The following SENP1 variants were observed in gnomAD, a reference collection of about 807,000 sequenced individuals.
SENP1 encodes sentrin-specific protease 1.
A neutral mutation model predicts 93.0 loss-of-function variants in SENP1; 21 were observed. That is an observed-to-expected ratio of 0.23 (90% CI 0.16 to 0.33). SENP1 has a LOEUF of 0.33. Among genes scored for constraint, SENP1 ranks in the 10% least tolerant of loss-of-function variants. SENP1 has a pLI of 1.00. For missense variants in SENP1, 591 were observed against 758.7 expected (o/e 0.78, Z 2.60); for synonymous variants, 256 against 259.6 (o/e 0.99, Z 0.13).
Position 48,071,148 on chromosome 12 carries a change from T to C in SENP1, c.995+519A>G, listed in dbSNP as rs146740368. Among the ~76,000 whole-genome samples the C allele has an allele frequency of 7.1e-4, 108 of 151,850 alleles. 1 individual carries two copies. Among genetic ancestry groups the C allele is most frequent in the Admixed American group, 5.1e-3 (77 of 15,232 alleles). On this transcript the variant is annotated intron_variant, in intron 9 of 17. Transcript: ENST00000549518. ...AGGCAGAAAAATTGTTTCAAGAACA[T>C]GGTATGGTGGAAGACGGAATGAAGA...
intron 13 of SENP1, among the ~76,000 whole-genome samples, chr12:48,054,007 A>C (rs1447318884): frequency 6.6e-6 from 1 of 152,194 alleles, no homozygotes; most frequent in Non-Finnish European, 1.5e-5. Flanking sequence ...AAGGAATGAG[A>C]GGGAGAATAG....
intron 1 of SENP1, chr12:48,105,236 G>A: frequency 2.6e-6 from 1 of 382,820 alleles, no homozygotes; most frequent in Non-Finnish European, 5.2e-6. Flanking sequence ...CTTTAACAAG[G>A]CTGACTTGAA....
intron 13 of SENP1, among the ~76,000 whole-genome samples, chr12:48,061,529 T>A (rs1409164734): frequency 1.3e-5 from 2 of 152,214 alleles, no homozygotes. Flanking sequence ...TGCTTCAGCC[T>A]CCTGAACAGC....
intron 5 of SENP1, among the ~76,000 whole-genome samples, chr12:48,086,905 G>A (rs1332729761): frequency 6.6e-6 from 1 of 152,126 alleles, no homozygotes; most frequent in Non-Finnish European, 1.5e-5. Context: ...AGGACATGGT[G>A]GCGGGCACCT....
At chr12:48,075,060 A>C (rs1327942437) in intron 6 of SENP1, among the ~76,000 whole-genome samples, 1 of 152,012 alleles carries the variant, frequency 6.6e-6, no homozygotes, top group African/African-American at 2.4e-5. Context: ...AAACTTAAAA[A>C]AAAAAACCAA....
intron 13 of SENP1, among the ~76,000 whole-genome samples, chr12:48,054,462 C>A (rs890956617): frequency 6.6e-6 from 1 of 151,868 alleles, no homozygotes; most frequent in African/African-American, 2.4e-5. Flanking sequence ...TTTTTCTGTC[C>A]CTTAACTTTT....
intron 1 of SENP1, chr12:48,105,509 C>T: frequency 1.9e-6 from 1 of 519,086 alleles, no homozygotes; most frequent in Non-Finnish European, 3.8e-6. Context: ...AGCGATATCA[C>T]ATCTCAGGGA....
chr12:48,092,264 G>T (rs1489955287), intron 4 of SENP1, among the ~76,000 whole-genome samples: 1 of 152,114 alleles, frequency 6.6e-6, no homozygotes, highest in African/African-American at 2.4e-5. Flanking sequence ...GAGGGTCCGT[G>T]TCTAGCCCAA....
chr12:48,071,874 T>A (rs1370847979), intron 8 of SENP1, among the ~76,000 whole-genome samples, 153 bp from the exon 9 acceptor site: 2 of 152,158 alleles, frequency 1.3e-5, no homozygotes, highest in African/African-American at 4.8e-5. Context: ...GAGAGGCAAG[T>A]CCATTGTCAC....
chr12:48,056,236 T>G, intron 13 of SENP1, among the ~76,000 whole-genome samples: 1 of 117,508 alleles, frequency 8.5e-6, no homozygotes, highest in African/African-American at 3.5e-5. Context: ...TAGTATATAT[T>G]TTACATATAA....
At chr12:48,059,348 A>G (rs1001894654) in intron 13 of SENP1, among the ~76,000 whole-genome samples, 3 of 151,790 alleles carry the variant, frequency 2.0e-5, no homozygotes, top group African/African-American at 4.8e-5. Flanking sequence ...AAGTTTACGA[A>G]TTTTTTCTTA....
chr12:48,097,377 A>G (rs1400483919), intron 3 of SENP1, among the ~76,000 whole-genome samples: 2 of 152,240 alleles, frequency 1.3e-5, no homozygotes, highest in Non-Finnish European at 2.9e-5. Context: ...GATGCTAAAC[A>G]TCCTACTATA....
intron 2 of SENP1, 129 bp from the exon 3 acceptor site, chr12:48,098,253 ACT>A (rs1302805528): frequency 1.9e-5 from 17 of 906,170 alleles, no homozygotes; most frequent in Non-Finnish European, 2.4e-5. Flanking sequence ...TAATCCCAGC[ACT>A]CTGAGAGGCT....
At chr12:48,076,552 G>A (rs1390517110) in intron 6 of SENP1, among the ~76,000 whole-genome samples, 1 of 151,598 alleles carries the variant, frequency 6.6e-6, no homozygotes, top group East Asian at 1.9e-4. Flanking sequence ...GGCTGGTCTC[G>A]AACTCCTAAC....
chr12:48,076,491 A>AT (rs879363366), intron 6 of SENP1, among the ~76,000 whole-genome samples: 137 of 144,344 alleles, frequency 9.5e-4, no homozygotes, highest in East Asian at 1.6e-3. Context: ...CACAGAGCTA[A>AT]TTTTTTTTTT....
At chr12:48,096,249 A>G (rs1945548036) in intron 4 of SENP1, 94 bp downstream of exon 4, 1 of 653,754 alleles carries the variant, frequency 1.5e-6, no homozygotes, top group Non-Finnish European at 2.6e-6. Flanking sequence ...GTTTTTGACA[A>G]TGTTTTTACT....
chr12:48,079,719 A>G (rs1293878373), intron 6 of SENP1, among the ~76,000 whole-genome samples: 1 of 151,734 alleles, frequency 6.6e-6, no homozygotes, highest in African/African-American at 2.4e-5. Flanking sequence ...GCTCCATCAT[A>G]AAAGAACTAT....
intron 6 of SENP1, among the ~76,000 whole-genome samples, chr12:48,079,508 A>G (rs538071641): frequency 1.3e-5 from 2 of 152,318 alleles, no homozygotes; most frequent in Admixed American, 1.3e-4. Flanking sequence ...CAAATAAAAA[A>G]AGAAAATTAG....
In SENP1 at chr12:48,045,265, G is replaced by A. The variant is rs1941272601; in HGVS notation, c.*57C>T. The A allele has an allele frequency of 4.8e-6, 7 of 1,452,806 alleles. No individual in the cohort carries two copies. Among genetic ancestry groups the A allele is most frequent in the Admixed American group, 1.7e-5 (1 of 58,768 alleles). The allele number at this position is 1,452,806 out of a possible 1,614,324, so 90.0% of individuals were successfully genotyped here. On this transcript the variant is annotated 3_prime_UTR_variant, in exon 18 of 18. Coordinates refer to ENST00000549518, the MANE Select transcript of SENP1 (RefSeq NM_001267594.2). ...GCAGCTGTTTCCAAGGTCTCTGGCT[G>A]TAGACAACAAAGAGCTGGTCCCCCA... is the stretch of plus-strand genomic sequence containing the variant.
Sources: allele counts gnomAD v4.1 joint callset (sites outside exome capture counted in the v4.1 genomes callset), GRCh38; gene constraint gnomAD v4.1.1; transcripts MANE v1.5; gene names NCBI Gene and HGNC (gene_info 2026-07-23, HGNC 2026-07-21).